Variants in KHDRBS2 observed in about 807,000 individuals in gnomAD.
KHDRBS2 encodes the protein KH RNA binding domain containing, signal transduction associated 2, also known as KH domain-containing, RNA-binding, signal transduction-associated protein 2.
Under a neutral mutation model 44.3 loss-of-function variants are expected in KHDRBS2, and 26 were observed. The observed-to-expected ratio is 0.59, with a 90% CI of 0.43 to 0.81. The LOEUF (loss-of-function observed/expected upper bound fraction) is 0.81. KHDRBS2 is among the 40% of genes least tolerant of loss of function. The pLI, the probability that KHDRBS2 is intolerant of heterozygous loss-of-function variation, is 0.00. For synonymous variants in KHDRBS2, 194 were observed against 151.1 expected (o/e 1.28, Z -2.08); for missense variants, 476 against 433.1 (o/e 1.10, Z -0.88).
chr6:62,043,839 T>C (rs1787079211), intron 3 of KHDRBS2, among the ~76,000 whole-genome samples: 2 of 152,078 alleles, frequency 1.3e-5, no homozygotes, highest in South Asian at 4.1e-4. Context: ...TATTTTCTTA[T>C]GTAAGGATTA....
intron 7 of KHDRBS2, among the ~76,000 whole-genome samples, chr6:61,723,883 T>C (rs1321922703): frequency 2.0e-5 from 3 of 152,012 alleles, no homozygotes; most frequent in Non-Finnish European, 4.4e-5. Context: ...TGGAACGAAG[T>C]TGTAAACTTG....
chr6:62,212,335 G>A (rs1829199732), intron 1 of KHDRBS2, among the ~76,000 whole-genome samples: 1 of 151,812 alleles, frequency 6.6e-6, no homozygotes, highest in Non-Finnish European at 1.5e-5. Context: ...GAGAGAGAGT[G>A]AGAGAGAGAG....
At chr6:61,867,887 G>A (rs902690556) in intron 6 of KHDRBS2, among the ~76,000 whole-genome samples, 3 of 152,130 alleles carry the variant, frequency 2.0e-5, no homozygotes, top group Non-Finnish European at 2.9e-5. Flanking sequence ...GAGGTGGCTG[G>A]GGACCCCAGT....
At chr6:61,608,659 A>G in the KHDRBS2 span, among the ~76,000 whole-genome samples, 1 of 150,268 alleles carries the variant, frequency 6.7e-6, no homozygotes, top group African/African-American at 2.5e-5. Context: ...TCATTGTTCA[A>G]CTCCCACTTA....
At position 62,027,695 on chromosome 6, in the gene KHDRBS2, A is replaced by C. The variant is rs1584245034; in HGVS notation, c.336+20183T>G. The stretch of plus-strand genomic sequence containing the variant: ...AATGATTTAATAACATGCTTATGAA[A>C]TGCAGCCGCCATAATAACCCAAAAG... On this transcript the variant is annotated intron_variant, in intron 3 of 8. Transcript: ENST00000281156. Among the ~76,000 whole-genome samples, 7 of 152,204 alleles carry C rather than the reference A, an allele frequency of 4.6e-5. No homozygotes were observed. In the East Asian group the frequency reaches 1.4e-3, roughly 30 times the overall value.
chr6:61,670,271 C>G, the KHDRBS2 span, among the ~76,000 whole-genome samples: 10 of 151,250 alleles, frequency 6.6e-5, no homozygotes, highest in Middle Eastern at 3.2e-3. Context: ...GAATTACTCA[C>G]TAGAAACAAA....
At chr6:62,073,118 C>T (rs1277255561) in intron 2 of KHDRBS2, among the ~76,000 whole-genome samples, 1 of 151,860 alleles carries the variant, frequency 6.6e-6, no homozygotes, top group East Asian at 1.9e-4. Context: ...CACTTCTAAT[C>T]TTTGAAAAGA....
intron 2 of KHDRBS2, among the ~76,000 whole-genome samples, chr6:62,100,640 A>G (rs1232944654): frequency 6.6e-6 from 1 of 152,176 alleles, no homozygotes; most frequent in Non-Finnish European, 1.5e-5. Context: ...TAACCAGCAA[A>G]AAGACTGACT....
At chr6:61,640,340 T>TAGAATA in the KHDRBS2 span, among the ~76,000 whole-genome samples, 1 of 152,132 alleles carries the variant, frequency 6.6e-6, no homozygotes, top group Admixed American at 6.6e-5. Flanking sequence ...TAAAATGCCG[T>TAGAATA]AGAATAATCT....
rs139047658 is a variant in KHDRBS2 at position 61,917,714 on chromosome 6, G to A, written c.484-16343C>T. Among the ~76,000 whole-genome samples, 268 of 152,002 alleles carry A rather than the reference G, an allele frequency of 1.8e-3. 1 individual carries two copies. Among genetic ancestry groups the A allele is most frequent in the Admixed American group, 3.4e-3 (52 of 15,224 alleles). On this transcript the variant is annotated intron_variant, in intron 4 of 8. Transcript: ENST00000281156. ...ACCACTGTGGTGCAGGTTGTTGATG[G>A]TAGGGAAGACTGAGGGAAAAGGGGT...
intron 2 of KHDRBS2, among the ~76,000 whole-genome samples, chr6:62,155,954 T>G (rs1304738028): frequency 1.3e-5 from 2 of 152,188 alleles, no homozygotes; most frequent in Non-Finnish European, 2.9e-5. Context: ...CATAATGGGC[T>G]CATTCTTTTT....
intron 6 of KHDRBS2, among the ~76,000 whole-genome samples, chr6:61,860,677 C>T (rs1562319921): frequency 6.6e-6 from 1 of 152,024 alleles, no homozygotes; most frequent in Non-Finnish European, 1.5e-5. Flanking sequence ...CTGCAGTGGA[C>T]ATATGCATGC....
chr6:62,085,598 C>T (rs1562821595), intron 2 of KHDRBS2, among the ~76,000 whole-genome samples: 1 of 152,004 alleles, frequency 6.6e-6, no homozygotes, highest in Non-Finnish European at 1.5e-5. Flanking sequence ...ATATTAAGCA[C>T]AAACAAAATG....
the KHDRBS2 span, among the ~76,000 whole-genome samples, chr6:61,583,484 T>C: frequency 2.6e-5 from 4 of 151,784 alleles, no homozygotes; most frequent in East Asian, 3.9e-4. Context: ...GATCTTTATT[T>C]ACCTCAATGA....
At chr6:61,606,845 T>A in the KHDRBS2 span, among the ~76,000 whole-genome samples, 2 of 152,202 alleles carry the variant, frequency 1.3e-5, no homozygotes. Flanking sequence ...TTTATTTTTA[T>A]CTGCAGGCCC....
At chr6:62,128,122 T>C (rs186401182) in intron 2 of KHDRBS2, among the ~76,000 whole-genome samples, 12 of 152,260 alleles carry the variant, frequency 7.9e-5, no homozygotes, top group African/African-American at 1.7e-4. Context: ...CGTATTAGTG[T>C]ATCACAAGGC....
intron 6 of KHDRBS2, among the ~76,000 whole-genome samples, chr6:61,883,820 T>C (rs937903837): frequency 2.6e-5 from 4 of 152,036 alleles, no homozygotes; most frequent in African/African-American, 9.7e-5. Flanking sequence ...CTGCAATGCA[T>C]CCTGGTAAAT....
chr6:61,703,511 T>C (rs564593315), intron 7 of KHDRBS2, among the ~76,000 whole-genome samples: 14 of 152,018 alleles, frequency 9.2e-5, no homozygotes, highest in African/African-American at 2.6e-4. Context: ...AACCTTATTA[T>C]ACTGTGCATT....
At chr6:61,755,731 C>T (rs1217889062) in intron 6 of KHDRBS2, among the ~76,000 whole-genome samples, 3 of 145,394 alleles carry the variant, frequency 2.1e-5, no homozygotes, top group African/African-American at 5.1e-5. Context: ...ACCTGGGAGG[C>T]GGAGGTTGCA....
Sources: allele counts gnomAD v4.1 joint callset (sites outside exome capture counted in the v4.1 genomes callset), GRCh38; gene constraint gnomAD v4.1.1; transcripts MANE v1.5; gene names NCBI Gene and HGNC (gene_info 2026-07-23, HGNC 2026-07-21).